The following AKAP13 variants were observed in gnomAD, a reference collection of about 807,000 sequenced individuals.
AKAP13 encodes A-kinase anchor protein 13.
Under a neutral mutation model 264.5 loss-of-function variants are expected in AKAP13, and 80 were observed. The ratio of observed to expected loss-of-function variants is 0.30; its 90% confidence interval spans 0.25 to 0.36. AKAP13 has a LOEUF of 0.36. AKAP13 is among the 10% of genes least tolerant of loss of function. The pLI, the probability that AKAP13 is intolerant of heterozygous loss-of-function variation, is 1.00. For missense variants in AKAP13, 3,712 were observed against 3,435.2 expected (o/e 1.08, Z -2.01); for synonymous variants, 1,380 against 1,250.2 (o/e 1.10, Z -2.19).
chr15:85,488,673 G>A (rs1328083116), intron 2 of AKAP13, among the ~76,000 whole-genome samples: 1 of 152,196 alleles, frequency 6.6e-6, no homozygotes, highest in African/African-American at 2.4e-5. Context: ...GAGATTTGAA[G>A]ATGCTACACT....
At chr15:85,597,412 G>A (rs2079866775) in intron 8 of AKAP13, among the ~76,000 whole-genome samples, 2 of 152,292 alleles carry the variant, frequency 1.3e-5, no homozygotes, top group African/African-American at 2.4e-5. Context: ...AACCTCTCCA[G>A]TGTTTCTGCT....
chr15:85,605,012 G>T (rs1248950233), intron 8 of AKAP13, among the ~76,000 whole-genome samples: 1 of 152,116 alleles, frequency 6.6e-6, no homozygotes, highest in East Asian at 1.9e-4. Flanking sequence ...CATGTTTCCT[G>T]CTCAGTGCTG....
intron 16 of AKAP13, among the ~76,000 whole-genome samples, chr15:85,692,867 G>T (rs951278261): frequency 6.6e-6 from 1 of 152,044 alleles, no homozygotes; most frequent in Non-Finnish European, 1.5e-5. Flanking sequence ...TCCCAGAATT[G>T]CTGCCACCCT....
At chr15:85,689,525 G>A (rs2085150509) in intron 16 of AKAP13, among the ~76,000 whole-genome samples, 1 of 152,170 alleles carries the variant, frequency 6.6e-6, no homozygotes, top group Admixed American at 6.5e-5. Context: ...TGTTTCTCCA[G>A]CACACAGCTA....
chr15:85,558,987 G>A (rs755023960), intron 5 of AKAP13, among the ~76,000 whole-genome samples: 1 of 148,190 alleles, frequency 6.7e-6, no homozygotes, highest in Non-Finnish European at 1.5e-5. Flanking sequence ...CTCATTTCTT[G>A]GAAATTTGAC....
intron 1 of AKAP13, among the ~76,000 whole-genome samples, chr15:85,388,979 TAAGGCATG>T (rs879543986): frequency 2.6e-5 from 4 of 152,226 alleles, no homozygotes; most frequent in Non-Finnish European, 5.9e-5. Flanking sequence ...ACCCCATTAC[TAAGGCATG>T]AAGCTCCTGT....
At position 85,403,562 on chromosome 15, in the gene AKAP13, C is replaced by T. The variant is rs531025153; in HGVS notation, c.-12+22764C>T. On this transcript the variant is annotated intron_variant, in intron 1 of 36. Coordinates refer to ENST00000394518, the MANE Select transcript of AKAP13 (RefSeq NM_007200.5). ...AAGCATTTAAAAGCTGATGTGAGGT[C>T]GGGCGCAGTGGCTCATGCCTGTAAT... Among the ~76,000 whole-genome samples, 9 of 152,192 alleles carry T rather than the reference C, an allele frequency of 5.9e-5. No individual in the cohort carries two copies. The South Asian group carries it at 1.7e-3, about 28-fold the overall frequency.
intron 1 of AKAP13, among the ~76,000 whole-genome samples, chr15:85,390,517 T>A (rs949691932): frequency 6.6e-6 from 1 of 152,108 alleles, no homozygotes; most frequent in African/African-American, 2.4e-5. Context: ...AGAGACCAGA[T>A]CAAATAGGCT....
chr15:85,431,938 A>G (rs1057437070), intron 1 of AKAP13, among the ~76,000 whole-genome samples: 8 of 152,170 alleles, frequency 5.3e-5, no homozygotes, highest in African/African-American at 1.7e-4. Context: ...ACAGTTACGT[A>G]CCCAAATGAA....
At chr15:85,415,097 T>G in intron 1 of AKAP13, 1 of 605,754 alleles carries the variant, frequency 1.7e-6, no homozygotes, top group Non-Finnish European at 2.9e-6. Context: ...AAATTCATAA[T>G]TTTTCTATAA....
At chr15:85,741,545 C>T (rs745384153) in intron 35 of AKAP13, 50 bp downstream of exon 35, 8 of 1,516,098 alleles carry the variant, frequency 5.3e-6, no homozygotes, top group South Asian at 1.3e-5. Context: ...TTAATTAAGA[C>T]CCCCTGTGTA....
intron 2 of AKAP13, among the ~76,000 whole-genome samples, chr15:85,506,898 C>G (rs1432815740): frequency 6.6e-6 from 1 of 152,162 alleles, no homozygotes; most frequent in Non-Finnish European, 1.5e-5. Context: ...TCCGTTAGTC[C>G]TTGAATACAC....
chr15:85,467,468 C>A (rs2074788001), intron 1 of AKAP13, among the ~76,000 whole-genome samples: 1 of 152,124 alleles, frequency 6.6e-6, no homozygotes, highest in Non-Finnish European at 1.5e-5. Context: ...TGTGAACATA[C>A]ACACAGTTTT....
intron 14 of AKAP13, among the ~76,000 whole-genome samples, chr15:85,680,424 T>C (rs1217125168): frequency 6.6e-6 from 1 of 152,226 alleles, no homozygotes; most frequent in African/African-American, 2.4e-5. Context: ...TCTTTCCCTC[T>C]TACCTGGCTG....
At chr15:85,523,628 A>G (rs2076912308) in intron 3 of AKAP13, among the ~76,000 whole-genome samples, 2 of 152,154 alleles carry the variant, frequency 1.3e-5, no homozygotes, top group African/African-American at 4.8e-5. Flanking sequence ...TGTCAGCTTT[A>G]TGAGGACAAG....
intron 5 of AKAP13, among the ~76,000 whole-genome samples, chr15:85,569,539 G>T (rs1448845087): frequency 6.3e-5 from 9 of 143,012 alleles, no homozygotes; most frequent in Admixed American, 6.0e-4. Flanking sequence ...TGCAACCTCT[G>T]CCTCCCGGGT....
At chr15:85,572,125 C>T (rs569168152) in intron 5 of AKAP13, among the ~76,000 whole-genome samples, 1 of 152,268 alleles carries the variant, frequency 6.6e-6, no homozygotes, top group South Asian at 2.1e-4. Context: ...TAGAATACTC[C>T]ATTTCATGGA....
chr15:85,527,141 T>C (rs1404833323), intron 3 of AKAP13, among the ~76,000 whole-genome samples: 9 of 152,094 alleles, frequency 5.9e-5, no homozygotes, highest in Non-Finnish European at 1.0e-4. Context: ...TTTTTGTGTT[T>C]TTTAGTAGAG....
At chr15:85,509,436 A>G (rs1401060839) in intron 2 of AKAP13, among the ~76,000 whole-genome samples, 1 of 152,216 alleles carries the variant, frequency 6.6e-6, no homozygotes, top group African/African-American at 2.4e-5. Flanking sequence ...GGTAATACTA[A>G]AGGACCAACA....
Sources: gnomAD v4.1 joint callset for allele counts (sites outside exome capture counted in the v4.1 genomes callset) on GRCh38, gnomAD v4.1.1 for gene constraint, MANE v1.5 for transcripts, NCBI Gene and HGNC (gene_info 2026-07-23, HGNC 2026-07-21) for gene names.